Variants in NBEA observed in about 807,000 individuals in gnomAD.
NBEA encodes lysosomal-trafficking regulator 2.
NBEA carries 44 observed loss-of-function variants against 343.4 expected under a neutral mutation model. That is an observed-to-expected ratio of 0.13 (90% CI 0.10 to 0.16). The LOEUF (loss-of-function observed/expected upper bound fraction) is 0.16. Among genes scored for constraint, NBEA ranks in the 10% least tolerant of loss-of-function variants. NBEA has a pLI of 1.00. For missense variants in NBEA, 2,555 were observed against 3,631.3 expected (o/e 0.70, Z 7.62); for synonymous variants, 1,175 against 1,238.7 (o/e 0.95, Z 1.08).
At chr13:35,138,374 T>C (rs2067862812) in intron 17 of NBEA, among the ~76,000 whole-genome samples, 1 of 151,778 alleles carries the variant, frequency 6.6e-6, no homozygotes, top group African/African-American at 2.4e-5. Context: ...AAAATGTGTC[T>C]AAAGGAAAAG....
chr13:35,619,802 G>A (rs866782786), intron 48 of NBEA, among the ~76,000 whole-genome samples: 13 of 152,172 alleles, frequency 8.5e-5, no homozygotes. Flanking sequence ...TGGAACTGCA[G>A]TGTCCTCCTT....
intron 41 of NBEA, among the ~76,000 whole-genome samples, chr13:35,478,057 A>G (rs527390185): frequency 6.6e-6 from 1 of 152,308 alleles, no homozygotes; most frequent in African/African-American, 2.4e-5. Context: ...GTCAAATCCT[A>G]TAACTCCCGG....
chr13:35,627,872 T>C (rs2153065426), intron 48 of NBEA, among the ~76,000 whole-genome samples: 1 of 152,270 alleles, frequency 6.6e-6, no homozygotes, highest in East Asian at 1.9e-4. Context: ...TTTAGGTCTC[T>C]GTACTTTCAT....
At chr13:35,339,621 A>G (rs1317782518) in intron 36 of NBEA, among the ~76,000 whole-genome samples, 1 of 152,044 alleles carries the variant, frequency 6.6e-6, no homozygotes, top group Non-Finnish European at 1.5e-5. Flanking sequence ...TGCAGGCTGT[A>G]AAGGAAGCAT....
intron 41 of NBEA, chr13:35,475,407 C>A: frequency 1.2e-6 from 2 of 1,613,708 alleles, no homozygotes; most frequent in Non-Finnish European, 1.7e-6. Flanking sequence ...TTCTGCAGCC[C>A]CCCATCTGCA....
intron 36 of NBEA, among the ~76,000 whole-genome samples, chr13:35,321,411 T>C (rs2038131960): frequency 6.6e-6 from 1 of 152,202 alleles, no homozygotes; most frequent in Admixed American, 6.5e-5. Context: ...TGCCTGGGTA[T>C]CACCAGCAGA....
chr13:34,962,288 G>A (rs2059686741), intron 1 of NBEA, among the ~76,000 whole-genome samples: 1 of 151,922 alleles, frequency 6.6e-6, no homozygotes, highest in Non-Finnish European at 1.5e-5. Flanking sequence ...GTGTACATAT[G>A]TGTCTATATA....
chr13:35,382,041 ATG>A (rs2152892626), intron 38 of NBEA, among the ~76,000 whole-genome samples: 1 of 152,270 alleles, frequency 6.6e-6, no homozygotes, highest in East Asian at 1.9e-4. Context: ...ATGATACTAA[ATG>A]TTATAATGAG....
chr13:35,475,772 G>A, intron 41 of NBEA: 1 of 1,613,934 alleles, frequency 6.2e-7, no homozygotes, highest in South Asian at 1.1e-5. Context: ...CGCGCCGAGA[G>A]GTAGCCGGAG....
chr13:34,973,969 A>C (rs1301659728), intron 1 of NBEA, among the ~76,000 whole-genome samples: 1 of 152,148 alleles, frequency 6.6e-6, no homozygotes, highest in Non-Finnish European at 1.5e-5. Context: ...GACTCCACAC[A>C]GCTCTTTGTG....
chr13:35,532,188 A>G (rs1389518790), intron 41 of NBEA, among the ~76,000 whole-genome samples: 3 of 152,166 alleles, frequency 2.0e-5, no homozygotes, highest in Non-Finnish European at 1.5e-5. Context: ...TCGATTTGTC[A>G]TTGAATTTCA....
chr13:35,581,850 A>T (rs199879668), intron 45 of NBEA, among the ~76,000 whole-genome samples: 1,551 of 149,986 alleles, frequency 0.01, 30 homozygotes, highest in African/African-American at 0.037. Flanking sequence ...AACCTGCACA[A>T]TGTGCACATG....
chr13:35,581,205 C>G (rs372670921), intron 45 of NBEA, among the ~76,000 whole-genome samples: 4 of 152,120 alleles, frequency 2.6e-5, no homozygotes, highest in Non-Finnish European at 5.9e-5. Flanking sequence ...ACACTGACTT[C>G]CACAATGGTT....
intron 23 of NBEA, among the ~76,000 whole-genome samples, chr13:35,163,659 A>C (rs1239344274): frequency 6.6e-6 from 1 of 152,016 alleles, no homozygotes; most frequent in Admixed American, 6.6e-5. Flanking sequence ...ACACCAAACG[A>C]AAGCAGGGTA....
intron 53 of NBEA, among the ~76,000 whole-genome samples, chr13:35,654,049 T>A (rs570344456): frequency 2.6e-5 from 4 of 152,344 alleles, no homozygotes; most frequent in Admixed American, 2.6e-4. Flanking sequence ...TAGAGAGTGG[T>A]GGTGACCTTC....
rs555826647 is a variant in NBEA, at chr13:35,100,352, T to C, written c.1680+1947T>C. Among the ~76,000 whole-genome samples the C allele has an allele frequency of 2.1e-3, 324 of 152,038 alleles. 1 individual carries two copies. The highest frequency in any genetic ancestry group is 3.9e-3 in the Non-Finnish European group (262 of 67,906). ...AGATTGATCATTGGTAGCATTTCTT[T>C]ATTAAGATGATTTTTTCCATAACAT... On this transcript the variant is annotated intron_variant, in intron 11 of 58. Coordinates refer to ENST00000379939, the MANE Select transcript of NBEA (RefSeq NM_001385012.1).
chr13:35,020,294 A>C (rs888372338), intron 1 of NBEA, among the ~76,000 whole-genome samples: 1 of 152,078 alleles, frequency 6.6e-6, no homozygotes, highest in Non-Finnish European at 1.5e-5. Flanking sequence ...CTTAGGTATT[A>C]TTATTCTGAT....
intron 38 of NBEA, among the ~76,000 whole-genome samples, chr13:35,373,546 A>G (rs1406749700): frequency 1.5e-5 from 2 of 132,370 alleles, no homozygotes; most frequent in African/African-American, 7.1e-5. Flanking sequence ...CTCTATAAAA[A>G]ATACAAAAAT....
chr13:35,304,214 T>G (rs2152828254), intron 35 of NBEA, among the ~76,000 whole-genome samples: 1 of 152,038 alleles, frequency 6.6e-6, no homozygotes, highest in African/African-American at 2.4e-5. Flanking sequence ...GGTAGAAAAC[T>G]AAAAAAAGAG....
Sources: gnomAD v4.1 joint callset for allele counts (sites outside exome capture counted in the v4.1 genomes callset) on GRCh38, gnomAD v4.1.1 for gene constraint, MANE v1.5 for transcripts, NCBI Gene and HGNC (gene_info 2026-07-23, HGNC 2026-07-21) for gene names.